Variants in SLC22A3 observed in about 807,000 individuals in gnomAD.
The protein encoded by SLC22A3 is EMT organic cation transporter 3.
In SLC22A3, 51 loss-of-function variants were observed where a neutral mutation model predicts 59.1. That is an observed-to-expected ratio of 0.86 (90% CI 0.69 to 1.09). The LOEUF is 1.09. Among genes scored for constraint, SLC22A3 ranks in the 50% least tolerant of loss-of-function variants. The pLI is 0.00. For synonymous variants in SLC22A3, 325 were observed against 292.0 expected (o/e 1.11, Z -1.15); for missense variants, 711 against 726.3 (o/e 0.98, Z 0.24).
At chr6:160,429,639 G>A (rs902076212) in intron 5 of SLC22A3, among the ~76,000 whole-genome samples, 3 of 152,168 alleles carry the variant, frequency 2.0e-5, no homozygotes, top group Non-Finnish European at 2.9e-5. Flanking sequence ...GATCTGGGGC[G>A]GGGCTTGTTC....
chr6:160,385,797 T>G (rs1470880722), intron 1 of SLC22A3, among the ~76,000 whole-genome samples: 1 of 152,174 alleles, frequency 6.6e-6, no homozygotes, highest in Non-Finnish European at 1.5e-5. Context: ...CCTGCTCTGC[T>G]CTCTGTCAAA....
intron 5 of SLC22A3, among the ~76,000 whole-genome samples, chr6:160,432,672 C>T (rs943024139): frequency 1.1e-4 from 16 of 152,080 alleles, no homozygotes; most frequent in Admixed American, 6.6e-4. Context: ...GTGATCCGCC[C>T]GCCTTGGCCT....
chr6:160,436,931 C>G (rs776962360), intron 6 of SLC22A3, 54 bp downstream of exon 6: 5 of 1,607,480 alleles, frequency 3.1e-6, no homozygotes, highest in Non-Finnish European at 4.3e-6. Context: ...ACAATACATC[C>G]CTTCCTTCAA....
intron 1 of SLC22A3, among the ~76,000 whole-genome samples, chr6:160,368,840 C>T (rs868070784): frequency 5.9e-5 from 9 of 152,158 alleles, no homozygotes; most frequent in Admixed American, 3.3e-4. Flanking sequence ...CATATTTCAC[C>T]GTTCTGCTCA....
chr6:160,390,834 G>A (rs1259896131), intron 1 of SLC22A3, among the ~76,000 whole-genome samples: 2 of 152,040 alleles, frequency 1.3e-5, no homozygotes, highest in African/African-American at 2.4e-5. Context: ...AAATTGATTC[G>A]CTCCTGGTTC....
intron 1 of SLC22A3, among the ~76,000 whole-genome samples, chr6:160,353,084 G>A (rs2504918): frequency 0.15 from 22,575 of 152,194 alleles, 2,197 homozygotes; most frequent in Non-Finnish European, 0.21. Flanking sequence ...TGGGATTACA[G>A]GCATGAGCCA....
At chr6:160,383,961 A>C (rs1487685165) in intron 1 of SLC22A3, among the ~76,000 whole-genome samples, 1 of 152,056 alleles carries the variant, frequency 6.6e-6, no homozygotes, top group Non-Finnish European at 1.5e-5. Context: ...ATGGAGTCTC[A>C]CTCTGTCACC....
intron 1 of SLC22A3, among the ~76,000 whole-genome samples, chr6:160,362,679 C>T (rs890929161): frequency 6.6e-6 from 1 of 152,174 alleles, no homozygotes; most frequent in Admixed American, 6.5e-5. Context: ...TGGGGGCGGG[C>T]CAGACGGTGC....
intron 1 of SLC22A3, among the ~76,000 whole-genome samples, chr6:160,378,478 C>T (rs1224475640): frequency 6.6e-6 from 1 of 152,080 alleles, no homozygotes; most frequent in African/African-American, 2.4e-5. Flanking sequence ...CTGTGCTTTC[C>T]AAGTGGAGAA....
In SLC22A3 at chr6:160,388,192, G is replaced by C. The variant is rs190345434; in HGVS notation, c.430-9787G>C. On this transcript the variant is annotated intron_variant, in intron 1 of 10. Transcript: ENST00000275300. ...TAAGTTGGTGGTAATTTGTTATATA[G>C]CAATAGAAAACAGATGCATTAAGTT... Among the ~76,000 whole-genome samples, 5 of 152,268 alleles carry C rather than the reference G, an allele frequency of 3.3e-5. No individual in the cohort carries two copies. In the East Asian group the frequency reaches 9.6e-4, roughly 29 times the overall value.
At chr6:160,421,669 A>C (rs1787745603) in intron 5 of SLC22A3, among the ~76,000 whole-genome samples, 1 of 152,194 alleles carries the variant, frequency 6.6e-6, no homozygotes, top group African/African-American at 2.4e-5. Flanking sequence ...TATTCCATTA[A>C]TATTGGTTGT....
intron 2 of SLC22A3, 41 bp from the exon 3 acceptor site, chr6:160,407,000 A>C (rs1459423427): frequency 1.6e-5 from 25 of 1,610,248 alleles, no homozygotes; most frequent in Non-Finnish European, 2.1e-5. Flanking sequence ...GTGTTGAAGA[A>C]AATGTTTAAG....
intron 1 of SLC22A3, among the ~76,000 whole-genome samples, chr6:160,355,380 C>A (rs1348250099): frequency 6.6e-6 from 1 of 152,192 alleles, no homozygotes; most frequent in Non-Finnish European, 1.5e-5. Flanking sequence ...GGCTCCCACT[C>A]TCCAGGCAGT....
At chr6:160,394,936 A>C (rs1284896133) in intron 1 of SLC22A3, among the ~76,000 whole-genome samples, 6 of 152,154 alleles carry the variant, frequency 3.9e-5, no homozygotes, top group African/African-American at 1.2e-4. Flanking sequence ...CAGAATGTCC[A>C]CTACCTCCCT....
intron 9 of SLC22A3, 60 bp downstream of exon 9, chr6:160,443,802 C>T: frequency 1.1e-6 from 1 of 917,316 alleles, no homozygotes; most frequent in Non-Finnish European, 1.6e-6. Context: ...CTAAAAGAGA[C>T]CTATAATAAT....
chr6:160,402,468 T>C (rs913861716), intron 2 of SLC22A3, among the ~76,000 whole-genome samples: 1 of 151,848 alleles, frequency 6.6e-6, no homozygotes, highest in Admixed American at 6.6e-5. Flanking sequence ...TTGTTGGAAA[T>C]GGTCAGATTC....
rs116200060 is a variant in SLC22A3 at position 160,387,828 on chromosome 6, G to A, written c.430-10151G>A. Among the ~76,000 whole-genome samples the A allele has an allele frequency of 1.9e-3, 294 of 152,294 alleles. 3 individuals carry two copies. The highest frequency in any genetic ancestry group is 6.9e-3 in the African/African-American group (285 of 41,558). On this transcript the variant is annotated intron_variant, in intron 1 of 10. Coordinates refer to ENST00000275300, the MANE Select transcript of SLC22A3 (RefSeq NM_021977.4). The stretch of plus-strand genomic sequence containing the variant: ...TCCTAGTATCTTCCCAGAATAGCAT[G>A]TGCATTTCACCCTTGTCCTGGAGAT...
intron 1 of SLC22A3, among the ~76,000 whole-genome samples, chr6:160,364,406 C>A (rs1785132318): frequency 6.6e-6 from 1 of 152,162 alleles, no homozygotes. Flanking sequence ...CATGGTGGCA[C>A]CACATGTGAC....
chr6:160,364,060 T>C (rs1444698510), intron 1 of SLC22A3, among the ~76,000 whole-genome samples: 1 of 152,086 alleles, frequency 6.6e-6, no homozygotes, highest in African/African-American at 2.4e-5. Flanking sequence ...TGTGAATTAT[T>C]TGCATGTATA....
Sources: gnomAD v4.1 joint callset for allele counts (sites outside exome capture counted in the v4.1 genomes callset) on GRCh38, gnomAD v4.1.1 for gene constraint, MANE v1.5 for transcripts, NCBI Gene and HGNC (gene_info 2026-07-23, HGNC 2026-07-21) for gene names.